PRR5: variants seen among roughly 807,000 people sequenced by gnomAD.
The protein encoded by PRR5 is proline rich 5.
Under a neutral mutation model 30.6 loss-of-function variants are expected in PRR5, and 25 were observed. The ratio of observed to expected loss-of-function variants is 0.82; its 90% CI spans 0.60 to 1.14. PRR5 has a LOEUF of 1.14. Ranked by LOEUF, PRR5 falls within the 50% of genes most tolerant of loss-of-function variation. The pLI is 0.00. For missense variants in PRR5, 600 were observed against 547.1 expected (o/e 1.10, Z -0.96); for synonymous variants, 286 against 247.1 (o/e 1.16, Z -1.48).
In PRR5 at chr22:44,732,339, G is replaced by T; in HGVS notation, c.503G>T (p.Arg168Leu). The T allele has an allele frequency of 6.2e-7, 1 of 1,612,034 alleles. No individual in the cohort carries two copies. The change falls in exon 6 of 8, where the codon CGG becomes CTG. Residue 168 changes from arginine (R) to leucine (L), a missense_variant. Coordinates refer to ENST00000336985, the MANE Select transcript of PRR5 (RefSeq NM_181333.4). ...GTGAAGCTAGAGGATGCGCTGGCCC[G>T]GGCCCATGCCCGTGTGCCCCCTGCC... ...LSVKLEDALA[R>L]AHARVPPAIV...
chr22:44,721,111 T>C (rs965228324), intron 2 of PRR5, among the ~76,000 whole-genome samples: 7 of 152,196 alleles, frequency 4.6e-5, no homozygotes, highest in African/African-American at 1.7e-4. Context: ...GACCCTCTGT[T>C]ACCGGTGGAG....
upstream of PRR5, among the ~76,000 whole-genome samples, chr22:44,699,063 C>T (rs143980060): frequency 6.6e-6 from 1 of 152,316 alleles, no homozygotes; most frequent in East Asian, 1.9e-4. Flanking sequence ...TGGCTGGGGC[C>T]AGGGAGAGGT....
chr22:44,694,734 G>A (rs1292677756), intron 1 of PRR5, among the ~76,000 whole-genome samples: 2 of 152,158 alleles, frequency 1.3e-5, no homozygotes, highest in Non-Finnish European at 1.5e-5. Flanking sequence ...CTGCCTTGGA[G>A]TGCTATGGAA....
chr22:44,735,013 C>G lies in PRR5; in HGVS notation c.556-14C>G. ...GGTGCATGACCCCCTACCCCCTGCC[C>G]CACTCTCCTGCAGGGGGTACATGAG... is the stretch of plus-strand genomic sequence containing the variant. On this transcript the variant is annotated splice_polypyrimidine_tract_variant and intron_variant, in intron 6 of 7. Coordinates refer to ENST00000336985, the MANE Select transcript of PRR5 (RefSeq NM_181333.4). 12 of 1,609,870 alleles carry G rather than the reference C, an allele frequency of 7.5e-6. No individual in the cohort carries two copies. Among genetic ancestry groups the G allele is most frequent in the Middle Eastern group, 1.7e-4 (1 of 6,048 alleles).
chr22:44,708,008 C>G (rs779092482), intron 1 of PRR5, among the ~76,000 whole-genome samples: 12 of 152,134 alleles, frequency 7.9e-5, no homozygotes, highest in Non-Finnish European at 1.5e-4. Flanking sequence ...AAATCCACCT[C>G]CAAGGCTAGG....
intron 1 of PRR5, among the ~76,000 whole-genome samples, chr22:44,695,110 G>T (rs191961488): frequency 6.6e-6 from 1 of 152,286 alleles, no homozygotes; most frequent in Non-Finnish European, 1.5e-5. Flanking sequence ...GGCAGAGGTT[G>T]CAGTGAGCCA....
At chr22:44,732,842 G>A (rs536636257) in intron 6 of PRR5, among the ~76,000 whole-genome samples, 1 of 42,776 alleles carries the variant, frequency 2.3e-5, no homozygotes, top group East Asian at 5.8e-4. Context: ...TACTACACAC[G>A]TGCACACACG....
At chr22:44,736,646 G>C in intron 7 of PRR5, 126 bp from the exon 8 acceptor site, 1 of 1,441,536 alleles carries the variant, frequency 6.9e-7, no homozygotes, top group Non-Finnish European at 9.1e-7. Flanking sequence ...GCTGAGCCGG[G>C]CCCCGGGTCG....
At chr22:44,727,631 C>G (rs1047780117) in intron 4 of PRR5, among the ~76,000 whole-genome samples, 4 of 152,214 alleles carry the variant, frequency 2.6e-5, no homozygotes, top group African/African-American at 9.6e-5. Context: ...AAGCAGGCCA[C>G]CGGGTCCCGA....
chr22:44,693,458 CA>C (rs1216543034), intron 1 of PRR5, among the ~76,000 whole-genome samples: 11 of 147,740 alleles, frequency 7.4e-5, no homozygotes, highest in Non-Finnish European at 1.6e-4. Context: ...GACCCTGTCT[CA>C]AAAAAAAAGT....
chr22:44,705,851 T>C (rs1407624852), intron 1 of PRR5, among the ~76,000 whole-genome samples: 1 of 151,972 alleles, frequency 6.6e-6, no homozygotes, highest in East Asian at 1.9e-4. Flanking sequence ...AGTGCAGTGG[T>C]GCAATCTCAG....
intron 1 of PRR5, among the ~76,000 whole-genome samples, chr22:44,681,523 G>A (rs185276546): frequency 6.6e-6 from 1 of 151,998 alleles, no homozygotes; most frequent in East Asian, 1.9e-4. Flanking sequence ...GGAAGGCAGA[G>A]GTTGCAGTGA....
chr22:44,735,092 G>C lies in PRR5; in HGVS notation c.621G>C (p.Val207=). 1 of 1,612,064 alleles carries C rather than the reference G, an allele frequency of 6.2e-7. No individual in the cohort carries two copies. Among genetic ancestry groups the C allele is most frequent in the Non-Finnish European group, 8.5e-7 (1 of 1,178,878 alleles). Residue 207 remains valine (V), a synonymous_variant, in exon 7 of 8, where the codon GTG becomes GTC. Coordinates refer to ENST00000336985, the MANE Select transcript of PRR5 (RefSeq NM_181333.4). ...GCCTGGAGACGCTGGTCCAGAAGGT[G>C]GTGTCGCCATACCTGGGCACCTACG... ...YLRLETLVQK[V]VSPYLGTYGL...
At position 44,720,727 on chromosome 22, in the gene PRR5, T is replaced by G. The variant is rs145917655; in HGVS notation, c.216-4517T>G. Among the ~76,000 whole-genome samples the G allele has an allele frequency of 8.2e-3, 1,254 of 152,292 alleles. 3 individuals carry two copies. Among genetic ancestry groups the G allele is most frequent in the Middle Eastern group, 0.017 (5 of 294 alleles). The stretch of plus-strand genomic sequence containing the variant: ...ATCTGAGGCCGTGTCTGTGCTCTCA[T>G]TGGGGTCCGGGAGAGTTGGTGGGCA... On this transcript the variant is annotated intron_variant, in intron 2 of 7. Coordinates refer to ENST00000336985, the MANE Select transcript of PRR5 (RefSeq NM_181333.4).
intron 1 of PRR5, among the ~76,000 whole-genome samples, chr22:44,708,136 G>T (rs1927530770): frequency 6.6e-6 from 1 of 152,064 alleles, no homozygotes; most frequent in Non-Finnish European, 1.5e-5. Context: ...GGAGACGGAG[G>T]TTGCAGTGAG....
At chr22:44,687,803 C>T (rs1420049276) in intron 1 of PRR5, among the ~76,000 whole-genome samples, 3 of 152,088 alleles carry the variant, frequency 2.0e-5, no homozygotes, top group Non-Finnish European at 4.4e-5. Flanking sequence ...GAGATGGAGT[C>T]TCACTCCGTC....
At chr22:44,686,330 T>C (rs1195058447) in intron 1 of PRR5, among the ~76,000 whole-genome samples, 1 of 151,886 alleles carries the variant, frequency 6.6e-6, no homozygotes, top group Admixed American at 6.6e-5. Context: ...GTGTTTTTGT[T>C]GTTGTTGTTG....
chr22:44,721,612 A>T (rs1432539621), intron 2 of PRR5, among the ~76,000 whole-genome samples: 1 of 152,176 alleles, frequency 6.6e-6, no homozygotes, highest in East Asian at 1.9e-4. Context: ...TGGGCATGGA[A>T]CATTGGGGTC....
chr22:44,670,798 C>T (rs559076288), intron 1 of PRR5, among the ~76,000 whole-genome samples: 1 of 152,230 alleles, frequency 6.6e-6, no homozygotes, highest in South Asian at 2.1e-4. Flanking sequence ...TTCCTGCTCA[C>T]GCCCAGTAAG....
Sources: allele counts gnomAD v4.1 joint callset (sites outside exome capture counted in the v4.1 genomes callset), GRCh38; gene constraint gnomAD v4.1.1; transcripts MANE v1.5; gene names NCBI Gene and HGNC (gene_info 2026-07-23, HGNC 2026-07-21).